The following DDX43 variants were observed in gnomAD, a reference collection of about 807,000 sequenced individuals.
The protein encoded by DDX43 is DEAD-box helicase 43, also known as probable ATP-dependent RNA helicase DDX43.
DDX43 carries 50 observed loss-of-function variants against 84.9 expected under a neutral mutation model. The observed-to-expected ratio is 0.59, with a 90% CI of 0.47 to 0.75. DDX43 has a LOEUF of 0.75. DDX43 is among the 30% of genes least tolerant of loss of function. The probability of loss-of-function intolerance (pLI) is 0.00; values close to 1 mark genes in which losing one functional copy is unlikely to be tolerated. For synonymous variants in DDX43, 291 were observed against 266.3 expected (o/e 1.09, Z -0.90); for missense variants, 689 against 798.6 (o/e 0.86, Z 1.65).
chr6:73,410,838 C>T (rs1360741111), intron 10 of DDX43, among the ~76,000 whole-genome samples: 1 of 151,742 alleles, frequency 6.6e-6, no homozygotes, highest in Non-Finnish European at 1.5e-5. Flanking sequence ...AAGTGATCCA[C>T]CCACCTAAGC....
chr6:73,409,250 T>C lies in DDX43; in HGVS notation c.1182T>C (p.Val394=). Residue 394 remains valine, a splice_region_variant and synonymous_variant, in exon 10 of 17, where the codon GTT becomes GTC. Coordinates refer to ENST00000370336, the MANE Select transcript of DDX43 (RefSeq NM_018665.3). ...CACATTCTTTTTTGTCAATGCAGGT[T>C]TTAGATGAAGCAGACAAGATGTTGG... ...FVNLKNITYL[V]LDEADKMLDM... 4 of 1,613,818 alleles carry C rather than the reference T, an allele frequency of 2.5e-6. No homozygotes were observed. Among genetic ancestry groups the C allele is most frequent in the Non-Finnish European group, 3.4e-6 (4 of 1,179,726 alleles).
intron 3 of DDX43, 110 bp downstream of exon 3, chr6:73,400,473 A>T: frequency 9.8e-7 from 1 of 1,021,372 alleles, no homozygotes; most frequent in Non-Finnish European, 1.4e-6. Flanking sequence ...GGCTGCCATA[A>T]ATGCAGTCTT....
At position 73,408,240 on chromosome 6, in the gene DDX43, A is replaced by G. The variant is rs553576514; in HGVS notation, c.1179+139A>G. 2.7e-4 allele frequency: 195 copies of G among 732,240 alleles called. No individual in the cohort carries two copies. The African/African-American group carries it at 3.3e-3, about 12-fold the overall frequency. 45.4% of individuals were successfully genotyped at this position (732,240 alleles called of 1,614,324 possible). A position where few individuals can be genotyped will look rare whatever the true frequency, so the allele number is the denominator to read the frequency against. On this transcript the variant is annotated intron_variant, in intron 9 of 16. Transcript: ENST00000370336. ...ACCTAAGGTCAGGAGTTCGAGACCA[A>G]CCTGACCAATATGATGAAACTCCGT...
At position 73,412,577 on chromosome 6, in the gene DDX43, A is replaced by G. The variant is rs112417862; in HGVS notation, c.1368+285A>G. Among the ~76,000 whole-genome samples the G allele has an allele frequency of 2.0e-3, 299 of 148,044 alleles. 4 individuals carry two copies. Among genetic ancestry groups the G allele is most frequent in the African/African-American group, 7.1e-3 (285 of 40,120 alleles). ...CACTGTATTGCCCAGGCTGGAGTGC[A>G]GTGGGGTGATCTCGGCTCACTGCAA... On this transcript the variant is annotated intron_variant, in intron 11 of 16. Coordinates refer to ENST00000370336, the MANE Select transcript of DDX43 (RefSeq NM_018665.3).
At position 73,395,474 on chromosome 6, in the gene DDX43, C is replaced by G. The variant is rs542833286; in HGVS notation, c.250+319C>G. Reference sequence around the variant, plus strand: ...ATATATATTAAAAAAAATAGCTGGGCGTGGTGGCGCGCGCCTGTAATCCCA... The same window carrying G: ...ATATATATTAAAAAAAATAGCTGGGGGTGGTGGCGCGCGCCTGTAATCCCA... On this transcript the variant is annotated intron_variant, in intron 1 of 16. Transcript: ENST00000370336. Among the ~76,000 whole-genome samples, 78 of 151,922 alleles carry G rather than the reference C, an allele frequency of 5.1e-4. No homozygotes were observed. In the East Asian group the frequency reaches 6.4e-3, roughly 12 times the overall value.
chr6:73,401,916 C>T lies in DDX43; in HGVS notation c.494C>T (p.Ala165Val). Reference protein sequence around the residue: ...KDGSTDNNVVAGDRPLIDWDQ... With the variant: ...KDGSTDNNVVVGDRPLIDWDQ... ...GGAAGCACAGATAACAATGTTGTTGCAGGAGATCGGCCATTGATAGATTGG... is the reference window on the plus strand; with the variant it reads ...GGAAGCACAGATAACAATGTTGTTGTAGGAGATCGGCCATTGATAGATTGG... The change falls in exon 4 of 17, where the codon GCA becomes GTA. Residue 165 changes from alanine to valine, a missense_variant. Transcript: ENST00000370336. 1 of 1,613,798 alleles carries T rather than the reference C, an allele frequency of 6.2e-7. No individual in the cohort carries two copies. The highest frequency in any genetic ancestry group is 1.1e-5 in the South Asian group (1 of 91,066).
chr6:73,411,619 C>A (rs1769785935), intron 10 of DDX43, among the ~76,000 whole-genome samples: 1 of 151,536 alleles, frequency 6.6e-6, no homozygotes, highest in Non-Finnish European at 1.5e-5. Context: ...CATGAGCCAC[C>A]ACACACGGCC....
intron 6 of DDX43, 152 bp from the exon 7 acceptor site, chr6:73,406,212 C>CGG (rs57549301): frequency 0.81 from 390,482 of 482,352 alleles, 159,731 homozygotes; most frequent in South Asian, 0.89. Context: ...TTAGTAGAGA[C>CGG]GGTTTCTCTA....
At chr6:73,406,565 A>G (rs1412608671) in intron 7 of DDX43, 83 bp downstream of exon 7, 5 of 848,452 alleles carry the variant, frequency 5.9e-6, no homozygotes, top group African/African-American at 1.7e-5. Flanking sequence ...TTCTTTACCT[A>G]TTGCTTGATC....
intron 2 of DDX43, 75 bp from the exon 3 acceptor site, chr6:73,400,159 G>A (rs201151024): frequency 2.3e-6 from 3 of 1,284,312 alleles, no homozygotes; most frequent in Non-Finnish European, 3.2e-6. Flanking sequence ...TGTTGGAAGG[G>A]GTTAGGGGCT....
chr6:73,416,569 C>A (rs1264498693), intron 16 of DDX43, among the ~76,000 whole-genome samples: 1 of 152,258 alleles, frequency 6.6e-6, no homozygotes, highest in Admixed American at 6.5e-5. Flanking sequence ...TATAGATGAA[C>A]CTTGAGGACA....
chr6:73,416,089 TAAC>T (rs1410611208), intron 15 of DDX43, 21 bp from the exon 16 acceptor site: 1 of 1,230,482 alleles, frequency 8.1e-7, no homozygotes, highest in South Asian at 1.2e-5. Context: ...AGAATCCTAA[TAAC>T]AACACGTTGA....
chr6:73,412,602 A>G (rs1769808446), intron 11 of DDX43, among the ~76,000 whole-genome samples: 2 of 140,166 alleles, frequency 1.4e-5, no homozygotes, highest in Admixed American at 7.2e-5. Context: ...GCTCACTGCA[A>G]CCTCTGCCTC....
chr6:73,414,051 G>T lies in DDX43; in HGVS notation c.1578G>T (p.Arg526=). The T allele has an allele frequency of 1.2e-6, 2 of 1,607,366 alleles. No individual in the cohort carries two copies. The highest frequency in any genetic ancestry group is 1.7e-6 in the Non-Finnish European group (2 of 1,174,020). ...SLHGDREQRD[R]EKALENFKTG... is the part of the protein sequence containing the mutation. Reference sequence around the variant, plus strand: ...ATGGAGATAGAGAACAGAGAGATCGGGAGAAAGCATTAGAGAACTTTAAAA... The same window carrying T: ...ATGGAGATAGAGAACAGAGAGATCGTGAGAAAGCATTAGAGAACTTTAAAA... Residue 526 remains arginine, a synonymous_variant, in exon 13 of 17, where the codon CGG becomes CGT. Coordinates refer to ENST00000370336, the MANE Select transcript of DDX43 (RefSeq NM_018665.3).
intron 14 of DDX43, among the ~76,000 whole-genome samples, chr6:73,415,178 G>A (rs1769878799): frequency 6.6e-6 from 1 of 152,056 alleles, no homozygotes; most frequent in Non-Finnish European, 1.5e-5. Context: ...GGCGCCTGTA[G>A]TCCCAGCTAC....
At chr6:73,406,263 C>G (rs377701711) in intron 6 of DDX43, 101 bp from the exon 7 acceptor site, 1 of 726,964 alleles carries the variant, frequency 1.4e-6, no homozygotes. Flanking sequence ...CTCAGGAGAT[C>G]TGCCCGCCTC....
chr6:73,413,782 C>T lies in DDX43; in HGVS notation c.1493C>T (p.Ala498Val). The change falls in exon 12 of 17, where the codon GCT (alanine) becomes GTT (valine). Residue 498 changes from alanine (A) to valine (V), a missense_variant. By Grantham distance (64) the Ala-to-Val change is moderately conservative. Around this residue, in one of 2 missense-constraint regions of DDX43, gnomAD observed 552 missense variants for 692.7 expected, o/e 0.80. Coordinates refer to ENST00000370336, the MANE Select transcript of DDX43 (RefSeq NM_018665.3). ...GTCATTGTCTTCGTTTCTCGAAAAG[C>T]TGTGTAGGTATTTTTTCTTGTGTGT... ...DKVIVFVSRK[A>V]VADHLSSDLI... 6.2e-7 allele frequency: 1 copy of T among 1,612,016 alleles called. No homozygotes were observed. The highest frequency in any genetic ancestry group is 8.5e-7 in the Non-Finnish European group (1 of 1,179,408).
intron 10 of DDX43, among the ~76,000 whole-genome samples, chr6:73,409,689 G>A (rs1769749006): frequency 6.6e-6 from 1 of 152,212 alleles, no homozygotes; most frequent in South Asian, 2.1e-4. Flanking sequence ...TTGAATGAGT[G>A]ATCTATAAAG....
intron 10 of DDX43, 22 bp from the exon 11 acceptor site, chr6:73,412,183 T>C (rs762270732): frequency 8.2e-6 from 13 of 1,582,452 alleles, no homozygotes; most frequent in Middle Eastern, 3.4e-4. Context: ...AAAATTGTAA[T>C]GTTTGTAACT....
Sources: gnomAD v4.1 joint callset for allele counts (sites outside exome capture counted in the v4.1 genomes callset) on GRCh38, gnomAD v4.1.1 for gene constraint, gnomAD v4.1.1 regional missense constraint, MANE v1.5 for transcripts, NCBI Gene and HGNC (gene_info 2026-07-23, HGNC 2026-07-21) for gene names.